GDNF: variants seen among roughly 807,000 people sequenced by gnomAD.
GDNF encodes the protein glial cell line-derived neurotrophic factor.
In GDNF, 5 loss-of-function variants were observed where a neutral mutation model predicts 13.7. That is an observed-to-expected ratio of 0.36 (90% CI 0.19 to 0.77). GDNF has a LOEUF of 0.77. GDNF is among the 30% of genes least tolerant of loss of function. The pLI is 0.51. For synonymous variants in GDNF, 122 were observed against 112.5 expected (o/e 1.08, Z -0.53); for missense variants, 246 against 274.3 (o/e 0.90, Z 0.73).
intron 2 of GDNF, among the ~76,000 whole-genome samples, chr5:37,830,782 A>G (rs1750498782): frequency 6.6e-6 from 1 of 152,254 alleles, no homozygotes; most frequent in Non-Finnish European, 1.5e-5. Context: ...TTTACAGGGA[A>G]GAAAAAACAA....
intron 2 of GDNF, among the ~76,000 whole-genome samples, chr5:37,825,068 G>C (rs916234028): frequency 3.3e-5 from 5 of 152,296 alleles, no homozygotes; most frequent in Admixed American, 6.5e-5. Context: ...ACTTAGAAAA[G>C]CCACTTTGCC....
At position 37,834,707 on chromosome 5, in the gene GDNF, C is replaced by T. The variant is rs1472151195; in HGVS notation, c.90G>A (p.Glu30=). The change falls in exon 2 of 3, where the codon GAG becomes GAA. Residue 30 remains glutamate, a synonymous_variant. Transcript: ENST00000326524. ...FPLPAGKRPP[E]APAEDRSLGR... is the part of the protein sequence containing the mutation. ...CGAGGGAGCGGTCTTCGGCGGGCGC[C>T]TCGGGAGGCCTCTTACCGGCGGGCA... 2.5e-6 allele frequency: 4 copies of T among 1,610,684 alleles called. No individual in the cohort carries two copies. The highest frequency in any genetic ancestry group is 1.3e-5 in the African/African-American group (1 of 74,860).
intron 2 of GDNF, among the ~76,000 whole-genome samples, chr5:37,819,828 CA>C (rs996571638): frequency 6.6e-6 from 1 of 151,868 alleles, no homozygotes; most frequent in African/African-American, 2.4e-5. Flanking sequence ...TCTTTCAAAA[CA>C]AAACAAAACA....
rs1219014833 is a variant in GDNF at position 37,815,656 on chromosome 5, T to C, written c.631A>G (p.Ile211Val). The change falls in exon 3 of 3, where the codon ATC (isoleucine) becomes GTC (valine). Residue 211 changes from isoleucine to valine, a missense_variant. Coordinates refer to ENST00000326524, the MANE Select transcript of GDNF (RefSeq NM_000514.4). The surrounding 1 kb of genome is among the most constrained non-coding windows in gnomAD (Gnocchi z 5.0). ...AGCAGTCTCTGGAGCCGGAGTCAGA[T>C]ACATCCACACCTTTTAGCGGAATGC... ...RKHSAKRCGCI is the reference protein window; with the variant it reads ...RKHSAKRCGCV 1.2e-6 allele frequency: 2 copies of C among 1,613,644 alleles called. No individual in the cohort carries two copies. The highest frequency in any genetic ancestry group is 1.7e-6 in the Non-Finnish European group (2 of 1,179,538).
intron 2 of GDNF, among the ~76,000 whole-genome samples, chr5:37,828,317 T>A (rs940810260): frequency 1.3e-5 from 2 of 152,190 alleles, no homozygotes; most frequent in African/African-American, 4.8e-5. Context: ...ATCAATATTA[T>A]AGGAATACTT....
chr5:37,832,549 G>A (rs1356102751), intron 2 of GDNF, among the ~76,000 whole-genome samples: 1 of 152,204 alleles, frequency 6.6e-6, no homozygotes, highest in Non-Finnish European at 1.5e-5. Flanking sequence ...ACAATGGGGT[G>A]TGTTTTGCTG....
rs34626556 is a variant in GDNF at position 37,817,604 on chromosome 5, A to AGTGTGTGTGT, written c.152-1479_152-1470dup. On this transcript the variant is annotated intron_variant, in intron 2 of 2. Coordinates refer to ENST00000326524, the MANE Select transcript of GDNF (RefSeq NM_000514.4). ...AAGCAACTTAACCACGTGTGTGTAG[A>AGTGTGTGTGT]GTGTGTGTGTGTGTGTGTGTGTGTG... Among the ~76,000 whole-genome samples the AGTGTGTGTGT allele has an allele frequency of 7.4e-5, 11 of 149,558 alleles. No individual in the cohort carries two copies. The South Asian group carries it at 8.5e-4, about 12-fold the overall frequency.
intron 2 of GDNF, 42 bp downstream of exon 2, chr5:37,834,604 G>C: frequency 7.0e-7 from 1 of 1,429,014 alleles, no homozygotes; most frequent in Non-Finnish European, 9.2e-7. Context: ...GGTGCGAGGG[G>C]GTCCGCCGGC....
rs1749808332 is a variant in GDNF, at chr5:37,813,767, TGC to T, written c.*1882_*1883del. On this transcript the variant is annotated 3_prime_UTR_variant, in exon 3 of 3. Transcript: ENST00000326524. ...CTGTAGAGACAGGGTCTCCCTATGT[TGC>T]CCAAGCTGGTCTCAAACTCCTGGGT... is the stretch of plus-strand genomic sequence containing the variant. The T allele has an allele frequency of 1.3e-5, 2 of 152,876 alleles. No individual in the cohort carries two copies. Among genetic ancestry groups the T allele is most frequent in the Admixed American group, 6.5e-5 (1 of 15,276 alleles). 9.5% of individuals were successfully genotyped at this position (152,876 alleles called of 1,614,324 possible).
At chr5:37,825,209 C>T (rs1366192526) in intron 2 of GDNF, among the ~76,000 whole-genome samples, 3 of 152,192 alleles carry the variant, frequency 2.0e-5, no homozygotes, top group Non-Finnish European at 4.4e-5. Context: ...CTGAAAATTA[C>T]TCCATCAATA....
chr5:37,815,543 C>T lies in GDNF; in HGVS notation c.*108G>A. 9.5e-7 allele frequency: 1 copy of T among 1,051,076 alleles called. No individual in the cohort carries two copies. The allele number at this position is 1,051,076 out of a possible 1,614,324, so 65.1% of individuals were successfully genotyped here. A position where few individuals can be genotyped will look rare whatever the true frequency, so the allele number is the denominator to read the frequency against. The stretch of plus-strand genomic sequence containing the variant: ...TCCTCTTCTTCTTCCTCCTCCTCCG[C>T]CTCCTTGGTCCTCATCTTCCATTCT... On this transcript the variant is annotated 3_prime_UTR_variant, in exon 3 of 3. Coordinates refer to ENST00000326524, the MANE Select transcript of GDNF (RefSeq NM_000514.4). This position sits in a 1 kb window ranked among gnomAD's most constrained non-coding sequence, Gnocchi z 5.0.
Position 37,837,539 on chromosome 5 carries a change from G to A in GDNF, c.-27+1968C>T, listed in dbSNP as rs1750751631. On this transcript the variant is annotated intron_variant, in intron 1 of 2. Coordinates refer to ENST00000326524, the MANE Select transcript of GDNF (RefSeq NM_000514.4). This position sits in a 1 kb window ranked among gnomAD's most constrained non-coding sequence, Gnocchi z 6.5. ...TCGCAGAAGCAGCCGCTCGCCGCGAGGCACTTCTGAGTTCCCGGCAGCAGG... is the reference window on the plus strand; with the variant it reads ...TCGCAGAAGCAGCCGCTCGCCGCGAAGCACTTCTGAGTTCCCGGCAGCAGG... Among the ~76,000 whole-genome samples the A allele has an allele frequency of 1.3e-5, 2 of 152,188 alleles. No individual in the cohort carries two copies. Among genetic ancestry groups the A allele is most frequent in the Admixed American group, 6.5e-5 (1 of 15,280 alleles).
chr5:37,816,363 C>T (rs979502158), intron 2 of GDNF, among the ~76,000 whole-genome samples: 7 of 152,144 alleles, frequency 4.6e-5, no homozygotes, highest in African/African-American at 1.2e-4. Flanking sequence ...CATACTTTCT[C>T]GAAGAAAACA....
intron 2 of GDNF, among the ~76,000 whole-genome samples, chr5:37,826,119 C>T (rs1243581204): frequency 1.3e-5 from 2 of 152,142 alleles, no homozygotes; most frequent in African/African-American, 2.4e-5. Context: ...ACTCAGGCTG[C>T]CCTGTGTCCA....
At chr5:37,829,926 T>C (rs58116803) in intron 2 of GDNF, among the ~76,000 whole-genome samples, 6,244 of 152,282 alleles carry the variant, frequency 0.041, 435 homozygotes, top group African/African-American at 0.14. Context: ...GTTTCTTGAT[T>C]CCAAGAGACC....
In GDNF at chr5:37,838,827, G is replaced by A. The variant is rs1750799069; in HGVS notation, c.-27+680C>T. 6.6e-6 allele frequency among the ~76,000 whole-genome samples: 1 copy of A among 152,162 alleles called. No individual in the cohort carries two copies. Among genetic ancestry groups the A allele is most frequent in the Admixed American group, 6.5e-5 (1 of 15,282 alleles). On this transcript the variant is annotated intron_variant, in intron 1 of 2. Coordinates refer to ENST00000326524, the MANE Select transcript of GDNF (RefSeq NM_000514.4). This position sits in a 1 kb window ranked among gnomAD's most constrained non-coding sequence, Gnocchi z 4.1. ...AAATAATAACCTCAATGGCCTAGTG[G>A]AGTCTCAAGAATACGTTCGAGACAG...
At chr5:37,832,876 C>T (rs1370385952) in intron 2 of GDNF, among the ~76,000 whole-genome samples, 1 of 152,172 alleles carries the variant, frequency 6.6e-6, no homozygotes, top group Non-Finnish European at 1.5e-5. Flanking sequence ...CTTTAAAGTT[C>T]CCCAGGTGAC....
chr5:37,826,284 G>A (rs542664972), intron 2 of GDNF, among the ~76,000 whole-genome samples: 35 of 152,336 alleles, frequency 2.3e-4, no homozygotes, highest in African/African-American at 8.2e-4. Context: ...CACAAATGGT[G>A]CCTAATGTAG....
chr5:37,830,865 G>T (rs1176997644), intron 2 of GDNF, among the ~76,000 whole-genome samples: 1 of 152,196 alleles, frequency 6.6e-6, no homozygotes, highest in African/African-American at 2.4e-5. Flanking sequence ...TCCTAGTCTG[G>T]TCTGAATGTG....
Sources: allele counts gnomAD v4.1 joint callset (sites outside exome capture counted in the v4.1 genomes callset), GRCh38; gene constraint gnomAD v4.1.1; non-coding constraint Gnocchi (gnomAD v3.1); transcripts MANE v1.5; gene names NCBI Gene and HGNC (gene_info 2026-07-23, HGNC 2026-07-21).